Variants in MAN1C1 observed in about 807,000 individuals in gnomAD.
The protein encoded by MAN1C1 is mannosyl-oligosaccharide 1,2-alpha-mannosidase IC.
Under a neutral mutation model 71.5 loss-of-function variants are expected in MAN1C1, and 49 were observed. The ratio of observed to expected loss-of-function variants is 0.69; its 90% CI spans 0.54 to 0.87. The LOEUF (loss-of-function observed/expected upper bound fraction) is 0.87. Ranked by LOEUF, MAN1C1 falls within the 40% of genes least tolerant of loss-of-function variation. MAN1C1 has a pLI of 0.00. For missense variants in MAN1C1, 743 were observed against 835.0 expected, an observed-to-expected ratio of 0.89 and a Z score of 1.36; for synonymous variants, 352 against 343.7, an observed-to-expected ratio of 1.02 and a Z score of -0.27.
intron 7 of MAN1C1, among the ~76,000 whole-genome samples, chr1:25,766,750 C>T (rs2047432492): frequency 6.6e-6 from 1 of 152,238 alleles, no homozygotes; most frequent in East Asian, 1.9e-4. Context: ...GGTCACCAGC[C>T]CCTCGGTGCG....
Position 25,778,270 on chromosome 1 carries a change from C to T in MAN1C1, c.1423C>T (p.Arg475Ter), listed in dbSNP as rs376804277. 1.2e-6 allele frequency: 2 copies of T among 1,613,890 alleles called. No individual in the cohort carries two copies. Among genetic ancestry groups the T allele is most frequent in the South Asian group, 1.1e-5 (1 of 91,070 alleles). The change falls in exon 9 of 12, where the codon CGA (arginine) becomes TGA (stop). Residue 475 changes from arginine (R) to a stop codon, truncating the protein, a stop_gained. Transcript: ENST00000374332. LOFTEE classifies it high-confidence loss of function. The surrounding 1 kb of genome is among the most constrained non-coding windows in gnomAD (Gnocchi z 5.5). ...DAKEEKRAHY[R>*]ELAAQITKTC... Reference sequence around the variant, plus strand: ...CAAGGAAGAAAAGAGGGCCCACTACCGAGAGCTCGCAGCCCAGATCACCAA... The same window carrying T: ...CAAGGAAGAAAAGAGGGCCCACTACTGAGAGCTCGCAGCCCAGATCACCAA...
At chr1:25,618,505 C>A (rs889916039) in intron 1 of MAN1C1, among the ~76,000 whole-genome samples, 168 bp downstream of exon 1, 1 of 152,106 alleles carries the variant, frequency 6.6e-6, no homozygotes, top group African/African-American at 2.4e-5. Flanking sequence ...AAATGTCCCA[C>A]CTTCTTTCCT....
intron 2 of MAN1C1, among the ~76,000 whole-genome samples, chr1:25,713,937 T>G (rs1371220005): frequency 1.3e-5 from 2 of 152,202 alleles, no homozygotes; most frequent in South Asian, 2.1e-4. Context: ...TCGTGTTTCC[T>G]GTAGCCCCTC....
rs978402181 is a variant in MAN1C1, at chr1:25,712,787, C to T, written c.637+26251C>T. ...TAGTAGGTCTTAGGCTCCTGCATGG[C>T]GGTGGGCATCGGCTGTGTCTCATCC... On this transcript the variant is annotated intron_variant, in intron 2 of 11. Coordinates refer to ENST00000374332, the MANE Select transcript of MAN1C1 (RefSeq NM_020379.4). Among the ~76,000 whole-genome samples the T allele has an allele frequency of 3.9e-5, 6 of 152,260 alleles. No individual in the cohort carries two copies. In the East Asian group the frequency reaches 7.7e-4, roughly 20 times the overall value.
intron 2 of MAN1C1, among the ~76,000 whole-genome samples, chr1:25,732,569 C>T (rs896437082): frequency 6.6e-6 from 1 of 152,200 alleles, no homozygotes; most frequent in Non-Finnish European, 1.5e-5. Context: ...GCGTCTGCGG[C>T]GTCCGGCATT....
At chr1:25,682,902 G>A (rs960325983) in intron 1 of MAN1C1, among the ~76,000 whole-genome samples, 1 of 152,100 alleles carries the variant, frequency 6.6e-6, no homozygotes, top group African/African-American at 2.4e-5. Context: ...GCTGAGCGTG[G>A]TGGCACGTGT....
chr1:25,639,625 C>T (rs565929777), intron 1 of MAN1C1, among the ~76,000 whole-genome samples: 2 of 152,098 alleles, frequency 1.3e-5, no homozygotes, highest in Non-Finnish European at 2.9e-5. Flanking sequence ...AGCTTGTTGG[C>T]CTTATATGTA....
chr1:25,740,687 T>C lies in MAN1C1; in HGVS notation c.638-5981T>C, dbSNP rs924262728. Among the ~76,000 whole-genome samples, 13 of 151,868 alleles carry C rather than the reference T, an allele frequency of 8.6e-5. No individual in the cohort carries two copies. The East Asian group carries it at 2.1e-3, about 25-fold the overall frequency. ...TCCTGACCTCGTGATCCACCCGCCT[T>C]GGCCTCCCAAAGTGCTGGGATTACA... On this transcript the variant is annotated intron_variant, in intron 2 of 11. Coordinates refer to ENST00000374332, the MANE Select transcript of MAN1C1 (RefSeq NM_020379.4).
At chr1:25,708,559 G>A (rs548637044) in intron 2 of MAN1C1, among the ~76,000 whole-genome samples, 1 of 152,114 alleles carries the variant, frequency 6.6e-6, no homozygotes, top group Non-Finnish European at 1.5e-5. Context: ...AGCCCAGTAG[G>A]TCTCAGCTTC....
At chr1:25,733,283 C>T (rs2046934964) in intron 2 of MAN1C1, among the ~76,000 whole-genome samples, 1 of 152,150 alleles carries the variant, frequency 6.6e-6, no homozygotes, top group Non-Finnish European at 1.5e-5. Context: ...TTGGGCCCAG[C>T]CACTCATCAT....
At position 25,784,107 on chromosome 1, in the gene MAN1C1, T is replaced by C. The variant is rs1352834044; in HGVS notation, c.*318T>C. 2.9e-5 allele frequency: 7 copies of C among 238,552 alleles called. No individual in the cohort carries two copies. Among genetic ancestry groups the C allele is most frequent in the African/African-American group, 1.6e-4 (7 of 45,124 alleles). The allele number at this position is 238,552 out of a possible 1,614,324, so 14.8% of individuals were successfully genotyped here. A position where few individuals can be genotyped will look rare whatever the true frequency, so the allele number is the denominator to read the frequency against. On this transcript the variant is annotated 3_prime_UTR_variant, in exon 12 of 12. Coordinates refer to ENST00000374332, the MANE Select transcript of MAN1C1 (RefSeq NM_020379.4). ...CCCTTGTATTTGATTTGCTTCCTTTTGGTTTCTTGGTTTTTGTTTTTGCTT... is the reference window on the plus strand; with the variant it reads ...CCCTTGTATTTGATTTGCTTCCTTTCGGTTTCTTGGTTTTTGTTTTTGCTT...
chr1:25,705,810 G>A (rs1371652229), intron 2 of MAN1C1, among the ~76,000 whole-genome samples: 4 of 152,214 alleles, frequency 2.6e-5, no homozygotes, highest in Non-Finnish European at 5.9e-5. Context: ...GGGTATGGTG[G>A]CACATGCCAG....
At chr1:25,629,413 C>T (rs991298276) in intron 1 of MAN1C1, among the ~76,000 whole-genome samples, 1 of 151,998 alleles carries the variant, frequency 6.6e-6, no homozygotes. Flanking sequence ...TGAGAAATGT[C>T]TATTCATGTC....
intron 2 of MAN1C1, among the ~76,000 whole-genome samples, chr1:25,733,904 A>G (rs1350525296): frequency 1.3e-5 from 2 of 151,034 alleles, no homozygotes; most frequent in Non-Finnish European, 2.9e-5. Flanking sequence ...TGCTCACGCC[A>G]TTCTCCTGCC....
intron 1 of MAN1C1, among the ~76,000 whole-genome samples, chr1:25,641,900 T>G (rs549583160): frequency 1.3e-4 from 20 of 152,190 alleles, no homozygotes; most frequent in Non-Finnish European, 2.5e-4. Context: ...AGAGAAATAT[T>G]GAAAACACCT....
At chr1:25,663,366 G>T (rs2124107893) in intron 1 of MAN1C1, among the ~76,000 whole-genome samples, 1 of 151,978 alleles carries the variant, frequency 6.6e-6, no homozygotes, top group East Asian at 1.9e-4. Context: ...ACCCCCAGTG[G>T]ATGCCTGAAA....
Position 25,782,753 on chromosome 1 carries a change from G to T in MAN1C1, c.1766+53G>T. On this transcript the variant is annotated intron_variant, in intron 11 of 11. Transcript: ENST00000374332. This position sits in a 1 kb window ranked among gnomAD's most constrained non-coding sequence, Gnocchi z 4.4. The stretch of plus-strand genomic sequence containing the variant: ...TGGACAGGTGGGAGGTTGAGGGTAG[G>T]GGTCCGCAGTCCCTCCCCTCCACAG... The T allele has an allele frequency of 7.6e-7, 1 of 1,320,450 alleles. No homozygotes were observed. Among genetic ancestry groups the T allele is most frequent in the Non-Finnish European group, 1.1e-6 (1 of 915,278 alleles). 81.8% of individuals were successfully genotyped at this position (1,320,450 alleles called of 1,614,324 possible).
intron 4 of MAN1C1, among the ~76,000 whole-genome samples, chr1:25,751,509 A>G (rs2047215712): frequency 6.6e-6 from 1 of 152,208 alleles, no homozygotes; most frequent in African/African-American, 2.4e-5. Flanking sequence ...GGACAGGAGC[A>G]CCTGTGACTT....
chr1:25,752,545 T>G (rs995030501), intron 4 of MAN1C1, among the ~76,000 whole-genome samples: 13 of 152,256 alleles, frequency 8.5e-5, no homozygotes, highest in African/African-American at 3.1e-4. Context: ...GTTTGATATT[T>G]AGAACACTTC....
Sources: gnomAD v4.1 joint callset for allele counts (sites outside exome capture counted in the v4.1 genomes callset) on GRCh38, gnomAD v4.1.1 for gene constraint, Gnocchi (gnomAD v3.1) non-coding constraint, MANE v1.5 for transcripts, NCBI Gene and HGNC (gene_info 2026-07-23, HGNC 2026-07-21) for gene names.